VAV1: variants seen among roughly 807,000 people sequenced by gnomAD.
The protein encoded by VAV1 is vav guanine nucleotide exchange factor 1.
Under a neutral mutation model 128.1 loss-of-function variants are expected in VAV1, and 33 were observed. The observed-to-expected ratio is 0.26, with a 90% confidence interval of 0.20 to 0.34. The LOEUF (loss-of-function observed/expected upper bound fraction) is 0.34. VAV1 is among the 10% of genes least tolerant of loss of function. The pLI is 1.00. For synonymous variants in VAV1, 394 were observed against 409.8 expected (o/e 0.96, Z 0.47); for missense variants, 715 against 1,093.7 (o/e 0.65, Z 4.88).
chr19:6,790,051 G>A lies in VAV1; in HGVS notation c.204+17040G>A, dbSNP rs139458004. Reference sequence around the variant, plus strand: ...AAATTAGCCGGCCATGGTGGCAGGCGCCTGTAATCCCAGCTACTCGAGAGG... The same window carrying A: ...AAATTAGCCGGCCATGGTGGCAGGCACCTGTAATCCCAGCTACTCGAGAGG... On this transcript the variant is annotated intron_variant, in intron 1 of 26. Transcript: ENST00000602142. 8.8e-3 allele frequency among the ~76,000 whole-genome samples: 1,341 copies of A among 152,236 alleles called. 18 individuals carry two copies. The highest frequency in any genetic ancestry group is 0.03 in the African/African-American group (1,254 of 41,550).
chr19:6,848,566 C>A (rs1264948789), intron 23 of VAV1, among the ~76,000 whole-genome samples: 1 of 151,572 alleles, frequency 6.6e-6, no homozygotes, highest in African/African-American at 2.4e-5. Context: ...CCATGCCCAG[C>A]TAATTTTTGT....
chr19:6,803,989 C>T (rs1971328912), intron 1 of VAV1, among the ~76,000 whole-genome samples: 1 of 152,062 alleles, frequency 6.6e-6, no homozygotes, highest in Non-Finnish European at 1.5e-5. Context: ...AGGCTACATA[C>T]TATATGATAC....
chr19:6,820,917 G>C lies in VAV1; in HGVS notation c.321+99G>C, dbSNP rs1971766786. On this transcript the variant is annotated intron_variant, in intron 2 of 26. Transcript: ENST00000602142. The surrounding 1 kb of genome is among the most constrained non-coding windows in gnomAD (Gnocchi z 4.4). ...GGACTGTCAGGGGACAGGCAGACAA[G>C]CCAGACCAGGCCATATACAAGACGC... is the stretch of plus-strand genomic sequence containing the variant. 1 of 1,109,544 alleles carries C rather than the reference G, an allele frequency of 9.0e-7. No homozygotes were observed. Among genetic ancestry groups the C allele is most frequent in the African/African-American group, 1.5e-5 (1 of 65,038 alleles). The allele number at this position is 1,109,544 out of a possible 1,614,324, so 68.7% of individuals were successfully genotyped here. A position where few individuals can be genotyped will look rare whatever the true frequency, so the allele number is the denominator to read the frequency against.
chr19:6,798,815 T>C, intron 1 of VAV1, among the ~76,000 whole-genome samples: 1 of 152,072 alleles, frequency 6.6e-6, no homozygotes, highest in Non-Finnish European at 1.5e-5. Context: ...CTGGCCTGAT[T>C]TGATAAATTT....
At position 6,857,351 on chromosome 19, in the gene VAV1, A is replaced by G; in HGVS notation, c.*244A>G. 1 of 527,908 alleles carries G rather than the reference A, an allele frequency of 1.9e-6. No homozygotes were observed. The highest frequency in any genetic ancestry group is 2.2e-5 in the South Asian group (1 of 46,086). 32.7% of individuals were successfully genotyped at this position (527,908 alleles called of 1,614,324 possible). On this transcript the variant is annotated 3_prime_UTR_variant, in exon 27 of 27. Coordinates refer to ENST00000602142, the MANE Select transcript of VAV1 (RefSeq NM_005428.4). ...CAAGGGGGTTACATTTAATAAAAGGATGAAGATGGATAGAAGGACTGGTGT... is the reference window on the plus strand; with the variant it reads ...CAAGGGGGTTACATTTAATAAAAGGGTGAAGATGGATAGAAGGACTGGTGT...
At chr19:6,815,117 T>C (rs1284115568) in intron 1 of VAV1, among the ~76,000 whole-genome samples, 1 of 152,078 alleles carries the variant, frequency 6.6e-6, no homozygotes, top group East Asian at 1.9e-4. Context: ...GTTTGAACCA[T>C]ATTTATTCTA....
chr19:6,808,008 A>G (rs867535963), intron 1 of VAV1, among the ~76,000 whole-genome samples: 2 of 148,442 alleles, frequency 1.3e-5, no homozygotes, highest in African/African-American at 2.5e-5. Flanking sequence ...AAAAAAAAAA[A>G]GAAAAGAAAA....
chr19:6,849,684 G>A (rs1298188441), intron 23 of VAV1, among the ~76,000 whole-genome samples: 2 of 152,130 alleles, frequency 1.3e-5, no homozygotes, highest in East Asian at 3.9e-4. Flanking sequence ...AACATGTGGT[G>A]TTTGGCTTAC....
At chr19:6,803,178 G>A (rs1040472321) in intron 1 of VAV1, among the ~76,000 whole-genome samples, 1 of 143,086 alleles carries the variant, frequency 7.0e-6, no homozygotes, top group Non-Finnish European at 1.5e-5. Flanking sequence ...AGTGCATAGC[G>A]GCAGTTGCAG....
In VAV1 at chr19:6,779,299, C is replaced by T. The variant is rs117934066; in HGVS notation, c.204+6288C>T. On this transcript the variant is annotated intron_variant, in intron 1 of 26. Coordinates refer to ENST00000602142, the MANE Select transcript of VAV1 (RefSeq NM_005428.4). ...ACTCCTGGCCTCAAGCAATTCCTCC[C>T]GCCTTGGCTTTCCAAAGTGCTGGGA... Among the ~76,000 whole-genome samples the T allele has an allele frequency of 7.4e-3, 1,117 of 150,384 alleles. 47 individuals are homozygous for T. The highest frequency in any genetic ancestry group is 0.049 in the East Asian group (250 of 5,094).
chr19:6,799,565 C>G (rs567854730), intron 1 of VAV1, among the ~76,000 whole-genome samples: 2 of 152,214 alleles, frequency 1.3e-5, no homozygotes, highest in African/African-American at 2.4e-5. Context: ...AACCCATCAT[C>G]TACATTAGGT....
intron 22 of VAV1, among the ~76,000 whole-genome samples, chr19:6,846,772 A>G (rs1972532034): frequency 2.0e-5 from 3 of 147,624 alleles, no homozygotes; most frequent in Admixed American, 6.8e-5. Context: ...ATAACTATCT[A>G]TATTAACATA....
At chr19:6,854,466 G>C (rs1057110715) in intron 26 of VAV1, among the ~76,000 whole-genome samples, 1 of 152,044 alleles carries the variant, frequency 6.6e-6, no homozygotes, top group Non-Finnish European at 1.5e-5. Context: ...TAATCCCAGT[G>C]CTTTGGGAGG....
chr19:6,809,573 TCAGAGAAGTCAG>T (rs1971471831), intron 1 of VAV1, among the ~76,000 whole-genome samples: 1 of 152,084 alleles, frequency 6.6e-6, no homozygotes, highest in Admixed American at 6.6e-5. Context: ...AGTAGAGTCA[TCAGAGAAGTCAG>T]CAGGGGCCGT....
chr19:6,834,266 T>A (rs1488587287), intron 19 of VAV1, among the ~76,000 whole-genome samples: 1 of 151,544 alleles, frequency 6.6e-6, no homozygotes, highest in African/African-American at 2.4e-5. Flanking sequence ...TTTCTGGAGA[T>A]GGAGTCTTGC....
chr19:6,846,669 C>T (rs1972530325), intron 22 of VAV1, among the ~76,000 whole-genome samples: 4 of 148,004 alleles, frequency 2.7e-5, no homozygotes, highest in Non-Finnish European at 5.9e-5. Context: ...ATATATTATA[C>T]ATTTACATAG....
chr19:6,828,485 A>C lies in VAV1; in HGVS notation c.1090A>C (p.Arg364=), dbSNP rs895673225. The change falls in exon 11 of 27, where the codon AGG becomes CGG. Residue 364 remains arginine (R), a splice_region_variant and synonymous_variant. Coordinates refer to ENST00000602142, the MANE Select transcript of VAV1 (RefSeq NM_005428.4). The surrounding 1 kb of genome is among the most constrained non-coding windows in gnomAD (Gnocchi z 4.5). ...ENLRLALDAM[R]DLAQCVNEVK... The stretch of plus-strand genomic sequence containing the variant: ...CCTGCGGCTGGCCCTGGATGCCATG[A>C]GGGTGAGTGGGTGTAGGGTGCTGGT... 1.2e-6 allele frequency: 2 copies of C among 1,613,992 alleles called. No individual in the cohort carries two copies. Among genetic ancestry groups the C allele is most frequent in the African/African-American group, 2.7e-5 (2 of 74,894 alleles).
intron 1 of VAV1, among the ~76,000 whole-genome samples, chr19:6,806,592 G>A (rs746293013): frequency 2.0e-5 from 3 of 152,242 alleles, no homozygotes; most frequent in South Asian, 2.1e-4. Flanking sequence ...GCTCCAGACC[G>A]CCTAACCTCA....
Position 6,772,773 on chromosome 19 carries a change from G to A in VAV1, c.-35G>A, listed in dbSNP as rs375367556. 268 of 1,600,302 alleles carry A rather than the reference G, an allele frequency of 1.7e-4. No homozygotes were observed. Among genetic ancestry groups the A allele is most frequent in the Non-Finnish European group, 2.2e-4 (255 of 1,173,632 alleles). Reference sequence around the variant, plus strand: ...CGGGCGGGTGGGTGGTGGAGGCTGCGAGGGTGCACGGCCGGCCCTGGGCAG... The same window carrying A: ...CGGGCGGGTGGGTGGTGGAGGCTGCAAGGGTGCACGGCCGGCCCTGGGCAG... On this transcript the variant is annotated 5_prime_UTR_variant, in exon 1 of 27. Coordinates refer to ENST00000602142, the MANE Select transcript of VAV1 (RefSeq NM_005428.4). The surrounding 1 kb of genome is among the most constrained non-coding windows in gnomAD (Gnocchi z 4.8).
Sources: gnomAD v4.1 joint callset for allele counts (sites outside exome capture counted in the v4.1 genomes callset) on GRCh38, gnomAD v4.1.1 for gene constraint, Gnocchi (gnomAD v3.1) non-coding constraint, MANE v1.5 for transcripts, NCBI Gene and HGNC (gene_info 2026-07-23, HGNC 2026-07-21) for gene names.